NELL2: variants seen among roughly 807,000 people sequenced by gnomAD.
NELL2 encodes the protein protein kinase C-binding protein NELL2.
Under a neutral mutation model 109.6 loss-of-function variants are expected in NELL2, and 41 were observed. That is an observed-to-expected ratio of 0.37 (90% confidence interval 0.29 to 0.49). The LOEUF (loss-of-function observed/expected upper bound fraction) is 0.49, where lower values mean the gene tolerates loss of function less well. Ranked by LOEUF, NELL2 falls within the 20% of genes least tolerant of loss-of-function variation. The pLI, the probability that NELL2 is intolerant of heterozygous loss-of-function variation, is 0.98. For missense variants in NELL2, 900 were observed against 1,008.3 expected (o/e 0.89, Z 1.45); for synonymous variants, 355 against 344.7 (o/e 1.03, Z -0.33).
intron 12 of NELL2, among the ~76,000 whole-genome samples, chr12:44,702,937 G>C (rs1490081118): frequency 6.6e-6 from 1 of 152,184 alleles, no homozygotes; most frequent in African/African-American, 2.4e-5. Context: ...ACAGATCTAT[G>C]ACATATGCTT....
intron 12 of NELL2, among the ~76,000 whole-genome samples, chr12:44,683,316 TGGGC>T (rs1948593636): frequency 6.6e-6 from 1 of 150,526 alleles, no homozygotes; most frequent in African/African-American, 2.5e-5. Flanking sequence ...AAGGAGATTT[TGGGC>T]TGAGACAATG....
chr12:44,847,698 C>T (rs1364855712), intron 2 of NELL2, among the ~76,000 whole-genome samples: 4 of 151,776 alleles, frequency 2.6e-5, no homozygotes, highest in East Asian at 1.9e-4. Flanking sequence ...AGAAAATAAG[C>T]AAAGAGAAGA....
At chr12:44,742,712 A>G (rs1203780964) in intron 9 of NELL2, among the ~76,000 whole-genome samples, 4 of 152,246 alleles carry the variant, frequency 2.6e-5, no homozygotes, top group African/African-American at 9.6e-5. Context: ...GTGATGGAAG[A>G]CAAAATGAAT....
chr12:44,638,360 T>C (rs369502691), intron 13 of NELL2, among the ~76,000 whole-genome samples: 1 of 152,220 alleles, frequency 6.6e-6, no homozygotes, highest in South Asian at 2.1e-4. Flanking sequence ...TAAATGACCT[T>C]TTGAGGATTC....
chr12:44,545,766 T>C (rs150859036), intron 15 of NELL2, among the ~76,000 whole-genome samples: 3 of 152,230 alleles, frequency 2.0e-5, no homozygotes, highest in East Asian at 3.9e-4. Flanking sequence ...AATCAGGTGA[T>C]ATGATAGAGA....
intron 3 of NELL2, among the ~76,000 whole-genome samples, chr12:44,806,307 C>G (rs866658372): frequency 6.6e-6 from 1 of 151,912 alleles, no homozygotes; most frequent in Middle Eastern, 3.4e-3. Context: ...CAAAGTGTTA[C>G]TTCTCACCTT....
intron 3 of NELL2, among the ~76,000 whole-genome samples, chr12:44,796,006 A>T (rs1942608075): frequency 6.6e-6 from 1 of 152,112 alleles, no homozygotes; most frequent in South Asian, 2.1e-4. Context: ...GAGTCTCTTA[A>T]TCCTGTCCCC....
intron 2 of NELL2, among the ~76,000 whole-genome samples, chr12:44,829,716 C>T (rs1943827218): frequency 6.6e-6 from 1 of 152,140 alleles, no homozygotes; most frequent in Non-Finnish European, 1.5e-5. Flanking sequence ...AAAGTATTCT[C>T]CTTAGCATTA....
At chr12:44,580,632 G>A (rs1416764812) in intron 15 of NELL2, among the ~76,000 whole-genome samples, 1 of 152,150 alleles carries the variant, frequency 6.6e-6, no homozygotes, top group Non-Finnish European at 1.5e-5. Flanking sequence ...AGAATCGCTA[G>A]AACCCAGGAG....
rs1005430775 is a variant in NELL2 at position 44,820,978 on chromosome 12, T to C, written c.185-4842A>G. Among the ~76,000 whole-genome samples, 4 of 151,336 alleles carry C rather than the reference T, an allele frequency of 2.6e-5. No individual in the cohort carries two copies. In the East Asian group the frequency reaches 7.8e-4, roughly 29 times the overall value. On this transcript the variant is annotated intron_variant, in intron 2 of 19. Transcript: ENST00000429094. ...AGGAGTCACAGGAATGAGAGGAGGA[T>C]GGAGGGATGGACCACAGAAACACTA... is the stretch of plus-strand genomic sequence containing the variant.
chr12:44,824,600 A>C (rs1195894448), intron 2 of NELL2, among the ~76,000 whole-genome samples: 1 of 151,582 alleles, frequency 6.6e-6, no homozygotes, highest in Non-Finnish European at 1.5e-5. Flanking sequence ...ATTCTGTTTC[A>C]TTGGTCTACA....
intron 3 of NELL2, among the ~76,000 whole-genome samples, chr12:44,783,807 T>A (rs1189927117): frequency 2.6e-5 from 4 of 152,010 alleles, no homozygotes; most frequent in African/African-American, 9.7e-5. Context: ...AGAGAAAAAC[T>A]ACTAAATTCA....
chr12:44,858,537 T>C (rs1164583907), intron 2 of NELL2, among the ~76,000 whole-genome samples: 3 of 152,212 alleles, frequency 2.0e-5, no homozygotes, highest in Admixed American at 6.5e-5. Flanking sequence ...AGCTATGCTA[T>C]ACTTTTTTCT....
chr12:44,804,441 T>C (rs1161946396), intron 3 of NELL2, among the ~76,000 whole-genome samples: 1 of 151,836 alleles, frequency 6.6e-6, no homozygotes, highest in African/African-American at 2.4e-5. Context: ...GTAATGGAGA[T>C]AACATAAACT....
intron 13 of NELL2, among the ~76,000 whole-genome samples, chr12:44,659,631 T>C (rs1482549729): frequency 6.6e-6 from 1 of 152,090 alleles, no homozygotes; most frequent in Non-Finnish European, 1.5e-5. Context: ...GTGATAACTT[T>C]TTAAAAAAAT....
intron 15 of NELL2, among the ~76,000 whole-genome samples, chr12:44,553,233 A>C (rs1943109539): frequency 6.7e-6 from 1 of 150,164 alleles, no homozygotes; most frequent in Non-Finnish European, 1.5e-5. Flanking sequence ...ACTAACCTGC[A>C]CAATGTGCAC....
intron 2 of NELL2, among the ~76,000 whole-genome samples, chr12:44,816,618 G>T (rs1331850077): frequency 1.3e-5 from 2 of 152,186 alleles, no homozygotes; most frequent in East Asian, 3.8e-4. Flanking sequence ...TCTTCAGCCA[G>T]AAGGTTTGCT....
At position 44,726,127 on chromosome 12, in the gene NELL2, TA is replaced by T. The variant is rs564534183; in HGVS notation, c.995-11387del. ...CAAGAGAGTCCTTCAATAAATAATT[TA>T]AAAAAATAACAGTAGATATACACAC... On this transcript the variant is annotated intron_variant, in intron 9 of 19. Transcript: ENST00000429094. Among the ~76,000 whole-genome samples the T allele has an allele frequency of 2.4e-3, 359 of 152,062 alleles. 3 individuals are homozygous for T. Among genetic ancestry groups the T allele is most frequent in the African/African-American group, 7.8e-3 (325 of 41,490 alleles).
chr12:44,716,772 T>G (rs946782527), intron 9 of NELL2, among the ~76,000 whole-genome samples: 3 of 152,082 alleles, frequency 2.0e-5, no homozygotes, highest in Non-Finnish European at 4.4e-5. Flanking sequence ...TCCAAGCGTA[T>G]GTGGAAGAAA....
Sources: gnomAD v4.1 joint callset for allele counts (sites outside exome capture counted in the v4.1 genomes callset) on GRCh38, gnomAD v4.1.1 for gene constraint, MANE v1.5 for transcripts, NCBI Gene and HGNC (gene_info 2026-07-23, HGNC 2026-07-21) for gene names.